The following RP1 variants were observed in gnomAD, a reference collection of about 807,000 sequenced individuals.
RP1 encodes RP1 axonemal microtubule associated.
A neutral mutation model predicts 14.8 loss-of-function variants in RP1; 16 were observed. The ratio of observed to expected loss-of-function variants is 1.08; its 90% confidence interval spans 0.73 to 1.65. The LOEUF (loss-of-function observed/expected upper bound fraction) is 1.65, where lower values mean the gene tolerates loss of function less well. Among genes scored for constraint, RP1 ranks in the 40% most tolerant of loss-of-function variants. The pLI, the probability that RP1 is intolerant of heterozygous loss-of-function variation, is 0.00. For synonymous variants in RP1, 876 were observed against 883.6 expected, an observed-to-expected ratio of 0.99 and a Z score of 0.15; for missense variants, 2,631 against 2,535.0, an observed-to-expected ratio of 1.04 and a Z score of -0.81.
At chr8:54,840,494 C>A (rs1811766062) in intron 25 of RP1, among the ~76,000 whole-genome samples, 1 of 151,416 alleles carries the variant, frequency 6.6e-6, no homozygotes, top group South Asian at 2.1e-4. Flanking sequence ...CTCAGGTGAT[C>A]TGCCCAAGGC....
intron 1 of RP1, among the ~76,000 whole-genome samples, chr8:54,598,065 C>G (rs767434322): frequency 1.4e-4 from 21 of 152,076 alleles, no homozygotes; most frequent in Non-Finnish European, 2.9e-4. Context: ...TTCTCAATCT[C>G]TGTAATTATG....
intron 1 of RP1, among the ~76,000 whole-genome samples, chr8:54,594,753 T>C (rs1003492093): frequency 6.6e-6 from 1 of 152,180 alleles, no homozygotes; most frequent in Non-Finnish European, 1.5e-5. Flanking sequence ...CTAGAAGCAC[T>C]GTAATTATTA....
At chr8:54,842,743 C>A (rs980081258) in intron 25 of RP1, among the ~76,000 whole-genome samples, 8 of 152,156 alleles carry the variant, frequency 5.3e-5, no homozygotes, top group Admixed American at 1.3e-4. Context: ...AGAGTAACAG[C>A]CAAAGTCATC....
At chr8:54,706,752 A>G in intron 15 of RP1, 3 of 1,190,510 alleles carry the variant, frequency 2.5e-6, no homozygotes, top group South Asian at 2.8e-5. Flanking sequence ...TGGAAATTGA[A>G]TGTTACATGT....
At chr8:54,648,801 A>G (rs1418962424) in intron 3 of RP1, among the ~76,000 whole-genome samples, 1 of 152,210 alleles carries the variant, frequency 6.6e-6, no homozygotes, top group Non-Finnish European at 1.5e-5. Context: ...CATTGTAGAA[A>G]ATAGTAATTT....
chr8:54,582,723 C>A (rs11774047), intron 1 of RP1, among the ~76,000 whole-genome samples: 2 of 151,828 alleles, frequency 1.3e-5, no homozygotes, highest in African/African-American at 2.4e-5. Flanking sequence ...CTTCACATAC[C>A]TTGTAAGTTG....
intron 20 of RP1, chr8:54,754,985 TA>T: frequency 7.1e-7 from 1 of 1,412,084 alleles, no homozygotes; most frequent in Non-Finnish European, 9.2e-7. Context: ...AATTGTTTGG[TA>T]GTTGCTTAAA....
chr8:54,628,144 A>C lies in RP1; in HGVS notation c.4262A>C (p.Glu1421Ala), dbSNP rs780766590. The C allele has an allele frequency of 2.3e-5, 37 of 1,613,898 alleles. No individual in the cohort carries two copies. Among genetic ancestry groups the C allele is most frequent in the Non-Finnish European group, 3.1e-5 (37 of 1,179,928 alleles). The change falls in exon 4 of 4, where the codon GAA (glutamate) becomes GCA (alanine). Residue 1421 changes from glutamate (E) to alanine (A), a missense_variant. Glu to Ala is a moderately radical substitution (Grantham distance 107). Transcript: ENST00000220676. Reference sequence around the variant, plus strand: ...AAACATAGTTCTCTAGATGATTTTGAAAATTGTTCACTAAGGAAGTTTCAG... The same window carrying C: ...AAACATAGTTCTCTAGATGATTTTGCAAATTGTTCACTAAGGAAGTTTCAG... ...DKKHSSLDDFENCSLRKFQDE... is the reference protein window; with the variant it reads ...DKKHSSLDDFANCSLRKFQDE...
At chr8:54,759,665 A>C (rs959451563) in intron 22 of RP1, among the ~76,000 whole-genome samples, 2 of 152,130 alleles carry the variant, frequency 1.3e-5, no homozygotes, top group African/African-American at 4.8e-5. Flanking sequence ...TGCTTAAGAA[A>C]GTGTCACCTG....
At chr8:54,818,325 A>G (rs1201781572) in intron 24 of RP1, among the ~76,000 whole-genome samples, 1 of 152,254 alleles carries the variant, frequency 6.6e-6, no homozygotes, top group East Asian at 1.9e-4. Flanking sequence ...TGCAAACTGT[A>G]GCTGAAATAA....
intron 23 of RP1, among the ~76,000 whole-genome samples, chr8:54,778,498 T>C (rs1286122413): frequency 6.6e-6 from 1 of 151,958 alleles, no homozygotes; most frequent in African/African-American, 2.4e-5. Flanking sequence ...CTAATTTTTG[T>C]ATTTTTAGTA....
chr8:54,649,377 T>C (rs1806612931), intron 4 of RP1, among the ~76,000 whole-genome samples: 1 of 152,012 alleles, frequency 6.6e-6, no homozygotes. Flanking sequence ...TATTTTTATG[T>C]GGACAGACAT....
intron 25 of RP1, among the ~76,000 whole-genome samples, chr8:54,844,760 ATTC>A (rs1463026625): frequency 6.6e-6 from 1 of 152,188 alleles, no homozygotes. Context: ...GAAAAATGAT[ATTC>A]TTATGTGATC....
chr8:54,751,976 G>A (rs1056816285), intron 19 of RP1, among the ~76,000 whole-genome samples: 4 of 152,096 alleles, frequency 2.6e-5, no homozygotes, highest in Admixed American at 6.6e-5. Flanking sequence ...AAGGGATGGC[G>A]GGGCCTCAGA....
intron 1 of RP1, among the ~76,000 whole-genome samples, chr8:54,592,817 T>C (rs1805069566): frequency 6.6e-6 from 1 of 152,160 alleles, no homozygotes; most frequent in Admixed American, 6.5e-5. Flanking sequence ...AGGTATTACT[T>C]CTGTGTTCTA....
intron 12 of RP1, among the ~76,000 whole-genome samples, chr8:54,684,088 A>C (rs1451486271): frequency 7.3e-6 from 1 of 137,026 alleles, no homozygotes; most frequent in East Asian, 2.1e-4. Context: ...TTTTGTCTTT[A>C]GTTCTGTTTA....
Position 54,630,607 on chromosome 8 carries a change from T to G in RP1, c.*254T>G. ...GTTTTGTTCTGAACTTACATTTTTT[T>G]TTTTTTTGGTATCTATGATTTTTTT... On this transcript the variant is annotated 3_prime_UTR_variant, in exon 4 of 4. Coordinates refer to ENST00000220676, the MANE Select transcript of RP1 (RefSeq NM_006269.2). 8.1e-7 allele frequency: 1 copy of G among 1,238,684 alleles called. No homozygotes were observed. Among genetic ancestry groups the G allele is most frequent in the Non-Finnish European group, 1.0e-6 (1 of 986,998 alleles). 76.7% of individuals were successfully genotyped at this position (1,238,684 alleles called of 1,614,324 possible).
intron 24 of RP1, among the ~76,000 whole-genome samples, chr8:54,833,074 A>G (rs1811571385): frequency 6.6e-6 from 1 of 151,994 alleles, no homozygotes; most frequent in East Asian, 1.9e-4. Flanking sequence ...TGAATAGTGT[A>G]GTCATTGGTC....
chr8:54,660,710 G>T (rs1806867707), intron 6 of RP1, among the ~76,000 whole-genome samples: 1 of 152,060 alleles, frequency 6.6e-6, no homozygotes, highest in Non-Finnish European at 1.5e-5. Context: ...TGTTATGATG[G>T]TGTCTCTGTG....
Sources: allele counts gnomAD v4.1 joint callset (sites outside exome capture counted in the v4.1 genomes callset), GRCh38; gene constraint gnomAD v4.1.1; transcripts MANE v1.5; gene names NCBI Gene and HGNC (gene_info 2026-07-23, HGNC 2026-07-21).